Variants in DLGAP2 observed in about 807,000 individuals in gnomAD.
DLGAP2 encodes the protein disks large-associated protein 2.
A neutral mutation model predicts 100.3 loss-of-function variants in DLGAP2; 26 were observed. The observed-to-expected ratio is 0.26, with a 90% CI of 0.19 to 0.36. The LOEUF is 0.36. DLGAP2 is among the 10% of genes least tolerant of loss of function. The pLI is 1.00. For missense variants in DLGAP2, 1,858 were observed against 1,453.2 expected (o/e 1.28, Z -4.53); for synonymous variants, 886 against 630.1 (o/e 1.41, Z -6.08).
At chr8:1,213,706 G>T (rs1160006952) in intron 2 of DLGAP2, among the ~76,000 whole-genome samples, 1 of 152,086 alleles carries the variant, frequency 6.6e-6, no homozygotes, top group Non-Finnish European at 1.5e-5. Flanking sequence ...TAATATCCAA[G>T]GGCCCTCTCC....
intron 2 of DLGAP2, among the ~76,000 whole-genome samples, chr8:1,185,935 G>A (rs941757918): frequency 3.3e-5 from 5 of 152,082 alleles, no homozygotes; most frequent in African/African-American, 9.7e-5. Flanking sequence ...TTCTCGCCTC[G>A]GAGTTCCATG....
chr8:1,559,927 C>G (rs1401193826), intron 5 of DLGAP2, among the ~76,000 whole-genome samples: 1 of 152,222 alleles, frequency 6.6e-6, no homozygotes, highest in African/African-American at 2.4e-5. Context: ...CTTTCCTGAT[C>G]CTGGCCCCTC....
At chr8:1,096,678 T>A (rs1200188287) in intron 2 of DLGAP2, among the ~76,000 whole-genome samples, 1 of 139,440 alleles carries the variant, frequency 7.2e-6, no homozygotes, top group Non-Finnish European at 1.5e-5. Flanking sequence ...GGGGCAGGCC[T>A]TCACCCTCTG....
intron 3 of DLGAP2, among the ~76,000 whole-genome samples, chr8:1,411,940 C>T (rs904655721): frequency 2.0e-5 from 3 of 152,176 alleles, no homozygotes; most frequent in African/African-American, 7.2e-5. Flanking sequence ...ACGCCAGTAT[C>T]CTCCACGTTC....
intron 2 of DLGAP2, among the ~76,000 whole-genome samples, chr8:1,120,749 T>C (rs1401286811): frequency 1.3e-5 from 2 of 151,806 alleles, no homozygotes; most frequent in Non-Finnish European, 2.9e-5. Flanking sequence ...TGAACACCCA[T>C]CCTAATTTAT....
chr8:1,164,733 C>T (rs1796981247), intron 2 of DLGAP2, among the ~76,000 whole-genome samples: 1 of 152,212 alleles, frequency 6.6e-6, no homozygotes. Context: ...CTCCTCCAGG[C>T]CCGAAACAAA....
At chr8:1,077,215 G>A (rs182612189) in intron 2 of DLGAP2, among the ~76,000 whole-genome samples, 3 of 152,280 alleles carry the variant, frequency 2.0e-5, no homozygotes, top group Admixed American at 6.5e-5. Context: ...GTGGGGGCAG[G>A]ATCCTCCACT....
At chr8:1,138,856 C>G (rs113830448) in intron 2 of DLGAP2, among the ~76,000 whole-genome samples, 241 of 151,526 alleles carry the variant, frequency 1.6e-3, no homozygotes, top group Non-Finnish European at 2.5e-3. Flanking sequence ...TGGTGGGAAA[C>G]TCTTCCTGTT....
At chr8:956,445 G>T (rs1019116288) in intron 2 of DLGAP2, among the ~76,000 whole-genome samples, 3 of 152,160 alleles carry the variant, frequency 2.0e-5, no homozygotes, top group East Asian at 1.9e-4. Context: ...GCCAGTGAAG[G>T]CCAAATGAGA....
At chr8:1,199,303 G>A (rs1462962503) in intron 2 of DLGAP2, among the ~76,000 whole-genome samples, 3 of 152,232 alleles carry the variant, frequency 2.0e-5, no homozygotes, top group African/African-American at 7.2e-5. Context: ...CAATATTTGA[G>A]CAGGTTGAGC....
intron 3 of DLGAP2, among the ~76,000 whole-genome samples, chr8:1,328,718 C>G (rs930912626): frequency 1.3e-5 from 2 of 152,148 alleles, no homozygotes; most frequent in African/African-American, 4.8e-5. Flanking sequence ...GTAGTAAAGA[C>G]AGAACAACAA....
At chr8:1,343,328 C>G (rs923060440) in intron 3 of DLGAP2, among the ~76,000 whole-genome samples, 1 of 152,160 alleles carries the variant, frequency 6.6e-6, no homozygotes, top group African/African-American at 2.4e-5. Context: ...TGCTTAATGT[C>G]CCACCGGTGA....
intron 2 of DLGAP2, among the ~76,000 whole-genome samples, chr8:1,106,614 G>A: frequency 6.7e-6 from 1 of 149,574 alleles, no homozygotes; most frequent in East Asian, 2.0e-4. Context: ...GCCATTCTAG[G>A]AGGGTTTTCT....
At chr8:1,009,149 G>A (rs1747402700) in intron 2 of DLGAP2, among the ~76,000 whole-genome samples, 2 of 152,132 alleles carry the variant, frequency 1.3e-5, no homozygotes, top group African/African-American at 4.8e-5. Flanking sequence ...GCAATGCTTG[G>A]TCAGCTCTGC....
chr8:1,196,742 A>G (rs965269790), intron 2 of DLGAP2, among the ~76,000 whole-genome samples: 3 of 152,176 alleles, frequency 2.0e-5, no homozygotes, highest in African/African-American at 7.2e-5. Context: ...CAGTAGCTGC[A>G]GTAGGAGCCT....
chr8:1,471,466 C>G lies in DLGAP2; in HGVS notation c.107-29900C>G, dbSNP rs147554497. Among the ~76,000 whole-genome samples, 458 of 151,630 alleles carry G rather than the reference C, an allele frequency of 3.0e-3. 9 individuals are homozygous for G. The highest frequency in any genetic ancestry group is 0.018 in the East Asian group (91 of 5,056). On this transcript the variant is annotated intron_variant, in intron 3 of 14. Transcript: ENST00000637795. Reference sequence around the variant, plus strand: ...GCCTGTGACGCAGGACATCCCCAGCCTCCTCACCTCTGTCAGAGGCCTGTG... The same window carrying G: ...GCCTGTGACGCAGGACATCCCCAGCGTCCTCACCTCTGTCAGAGGCCTGTG...
chr8:1,640,783 C>G (rs1254779171), intron 8 of DLGAP2, among the ~76,000 whole-genome samples: 1 of 152,166 alleles, frequency 6.6e-6, no homozygotes, highest in Admixed American at 6.5e-5. Flanking sequence ...CCCCCCGCAT[C>G]TAGACTTGTG....
At chr8:794,211 G>A (rs540925140) in intron 1 of DLGAP2, among the ~76,000 whole-genome samples, 1 of 152,298 alleles carries the variant, frequency 6.6e-6, no homozygotes, top group Admixed American at 6.5e-5. Context: ...CGTGTTTCTA[G>A]CTGCAGAATG....
intron 2 of DLGAP2, among the ~76,000 whole-genome samples, chr8:1,223,999 C>A (rs1798366787): frequency 6.6e-6 from 1 of 152,126 alleles, no homozygotes; most frequent in Admixed American, 6.5e-5. Flanking sequence ...CTCATTGTTT[C>A]CCCTTGATGT....
Sources: allele counts gnomAD v4.1 joint callset (sites outside exome capture counted in the v4.1 genomes callset), GRCh38; gene constraint gnomAD v4.1.1; transcripts MANE v1.5; gene names NCBI Gene and HGNC (gene_info 2026-07-23, HGNC 2026-07-21).